The following GNAI3 variants were observed in gnomAD, a reference collection of about 807,000 sequenced individuals.
GNAI3 encodes the protein G protein subunit alpha i3, also known as guanine nucleotide-binding protein G(i) subunit alpha-3.
Under a neutral mutation model 41.8 loss-of-function variants are expected in GNAI3, and 12 were observed. That is an observed-to-expected ratio of 0.29 (90% CI 0.18 to 0.47). The LOEUF is 0.47. GNAI3 is among the 20% of genes least tolerant of loss of function. The pLI is 1.00. For missense variants in GNAI3, 360 were observed against 429.6 expected (o/e 0.84, Z 1.43); for synonymous variants, 132 against 146.5 (o/e 0.90, Z 0.71).
At chr1:109,566,493 A>G (rs1258404589) in intron 1 of GNAI3, among the ~76,000 whole-genome samples, 1 of 152,102 alleles carries the variant, frequency 6.6e-6, no homozygotes, top group Non-Finnish European at 1.5e-5. Context: ...CTTTTCTTTT[A>G]TTGAACTAAG....
At chr1:109,559,769 G>C (rs1320369935) in intron 1 of GNAI3, among the ~76,000 whole-genome samples, 2 of 152,150 alleles carry the variant, frequency 1.3e-5, no homozygotes, top group African/African-American at 2.4e-5. Context: ...GCAAGTTAAA[G>C]TTATCTTTAA....
intron 4 of GNAI3, among the ~76,000 whole-genome samples, chr1:109,581,837 C>T (rs1261955187): frequency 2.0e-5 from 3 of 151,856 alleles, no homozygotes; most frequent in East Asian, 3.9e-4. Flanking sequence ...TGCAGTGAGC[C>T]GAGTTCGCAC....
At position 109,582,477 on chromosome 1, in the gene GNAI3, A is replaced by G; in HGVS notation, c.502A>G (p.Ile168Val). The G allele has an allele frequency of 1.3e-6, 2 of 1,598,572 alleles. No homozygotes were observed. Among genetic ancestry groups the G allele is most frequent in the Non-Finnish European group, 1.7e-6 (2 of 1,165,748 alleles). ...DLDRISQSNY[I>V]PTQQDVLRTR... ...GGATAGAATATCCCAGTCTAACTAC[A>G]TTCCAACTCAGCAAGATGTTCTTCG... The change falls in exon 5 of 9, where the codon ATT becomes GTT. Residue 168 changes from isoleucine (I) to valine (V), a missense_variant. Coordinates refer to ENST00000369851, the MANE Select transcript of GNAI3 (RefSeq NM_006496.4).
At chr1:109,583,115 T>G (rs954974848) in intron 5 of GNAI3, among the ~76,000 whole-genome samples, 20 of 152,232 alleles carry the variant, frequency 1.3e-4, no homozygotes, top group Non-Finnish European at 1.3e-4. Context: ...ACAATTAACT[T>G]CTTAATACAG....
intron 1 of GNAI3, among the ~76,000 whole-genome samples, chr1:109,567,891 C>A (rs972084423): frequency 6.6e-6 from 1 of 151,686 alleles, no homozygotes. Flanking sequence ...AATAGAAATT[C>A]ACATAGTATA....
rs542676766 is a variant in GNAI3, at chr1:109,552,848, G to A, written c.118+4010G>A. Among the ~76,000 whole-genome samples the A allele has an allele frequency of 2.6e-5, 4 of 152,128 alleles. No homozygotes were observed. In the South Asian group the frequency reaches 8.3e-4, roughly 32 times the overall value. The stretch of plus-strand genomic sequence containing the variant: ...ATGTGACAAAGGTTGGGAAGCACTG[G>A]TATAATGGATAAGAGCACTGCTTTT... On this transcript the variant is annotated intron_variant, in intron 1 of 8. Transcript: ENST00000369851.
At chr1:109,566,155 G>T (rs1648447895) in intron 1 of GNAI3, among the ~76,000 whole-genome samples, 1 of 152,206 alleles carries the variant, frequency 6.6e-6, no homozygotes, top group Non-Finnish European at 1.5e-5. Flanking sequence ...TAACTGTTCA[G>T]AAAGAATGAG....
chr1:109,552,086 C>T lies in GNAI3; in HGVS notation c.118+3248C>T, dbSNP rs142577788. 7.8e-3 allele frequency among the ~76,000 whole-genome samples: 1,177 copies of T among 151,718 alleles called. 17 individuals are homozygous for T. Among genetic ancestry groups the T allele is most frequent in the East Asian group, 0.033 (171 of 5,152 alleles). Reference sequence around the variant, plus strand: ...CTGAGGCAGGAGAATCGCTTGAACCCGGGAGGTGGAGGTTGCAGTGAGCAG... The same window carrying T: ...CTGAGGCAGGAGAATCGCTTGAACCTGGGAGGTGGAGGTTGCAGTGAGCAG... On this transcript the variant is annotated intron_variant, in intron 1 of 8. Coordinates refer to ENST00000369851, the MANE Select transcript of GNAI3 (RefSeq NM_006496.4).
Position 109,599,075 on chromosome 1 carries a change from GTA to G in GNAI3, c.*6754_*6755del. On this transcript the variant is annotated 3_prime_UTR_variant, in exon 9 of 9. Coordinates refer to ENST00000369851, the MANE Select transcript of GNAI3 (RefSeq NM_006496.4). ...ATACTCTGTTTTGGACTATTTGGAG[GTA>G]CATGTGAGTGGATTTTATTACCAGA... 2.8e-6 allele frequency: 1 copy of G among 361,098 alleles called. No individual in the cohort carries two copies. Among genetic ancestry groups the G allele is most frequent in the Non-Finnish European group, 6.4e-6 (1 of 155,510 alleles). The allele number at this position is 361,098 out of a possible 1,614,324, so 22.4% of individuals were successfully genotyped here.
At chr1:109,563,090 A>G (rs950373699) in intron 1 of GNAI3, among the ~76,000 whole-genome samples, 2 of 152,318 alleles carry the variant, frequency 1.3e-5, no homozygotes, top group African/African-American at 4.8e-5. Context: ...AAGGAAACTT[A>G]CCAAAGTCCA....
Position 109,582,455 on chromosome 1 carries a change from T to G in GNAI3, c.480T>G (p.Asp160Glu), listed in dbSNP as rs747792423. The part of the protein sequence containing the change: ...DSASYYLNDL[D>E]RISQSNYIPT... Reference sequence around the variant, plus strand: ...TATTTAGTTATCTAAATGATCTGGATAGAATATCCCAGTCTAACTACATTC... The same window carrying G: ...TATTTAGTTATCTAAATGATCTGGAGAGAATATCCCAGTCTAACTACATTC... The change falls in exon 5 of 9, where the codon GAT (aspartate) becomes GAG (glutamate). Residue 160 changes from aspartate (D) to glutamate (E), a missense_variant. Asp to Glu is a conservative substitution (Grantham distance 45). Coordinates refer to ENST00000369851, the MANE Select transcript of GNAI3 (RefSeq NM_006496.4). 3 of 1,606,622 alleles carry G rather than the reference T, an allele frequency of 1.9e-6. No homozygotes were observed. The highest frequency in any genetic ancestry group is 1.7e-6 in the Non-Finnish European group (2 of 1,173,202).
intron 7 of GNAI3, among the ~76,000 whole-genome samples, chr1:109,587,878 A>G (rs1649072935): frequency 1.3e-5 from 2 of 152,242 alleles, no homozygotes; most frequent in Admixed American, 1.3e-4. Flanking sequence ...GGGATATATC[A>G]TAGAACCCAA....
chr1:109,570,692 T>C (rs1648572098), intron 1 of GNAI3, among the ~76,000 whole-genome samples: 2 of 152,128 alleles, frequency 1.3e-5, no homozygotes, highest in Non-Finnish European at 2.9e-5. Flanking sequence ...CGGTTTGGTA[T>C]GTTGGAGGAA....
chr1:109,583,650 G>T (rs1024597598), intron 5 of GNAI3, among the ~76,000 whole-genome samples: 1 of 151,838 alleles, frequency 6.6e-6, no homozygotes, highest in African/African-American at 2.4e-5. Flanking sequence ...GTGCGATCTC[G>T]GCTCGTTGCA....
chr1:109,575,219 T>C (rs1360500869), intron 3 of GNAI3, among the ~76,000 whole-genome samples: 1 of 152,172 alleles, frequency 6.6e-6, no homozygotes, highest in African/African-American at 2.4e-5. Flanking sequence ...TCTTACCCTT[T>C]CCTATTCCTT....
intron 7 of GNAI3, among the ~76,000 whole-genome samples, chr1:109,588,712 G>T (rs1649094891): frequency 6.6e-6 from 1 of 152,108 alleles, no homozygotes; most frequent in African/African-American, 2.4e-5. Context: ...GACCAATGTG[G>T]TGAAACCCTG....
chr1:109,559,529 GTAAC>G (rs766091405), intron 1 of GNAI3, among the ~76,000 whole-genome samples: 5 of 152,130 alleles, frequency 3.3e-5, no homozygotes, highest in Non-Finnish European at 7.3e-5. Context: ...AGTTATAAAG[GTAAC>G]TATTTTTGTG....
intron 3 of GNAI3, among the ~76,000 whole-genome samples, chr1:109,578,965 T>TGG (rs1170687133): frequency 1.3e-5 from 2 of 152,106 alleles, no homozygotes; most frequent in African/African-American, 4.8e-5. Context: ...TGGTGGTGTG[T>TGG]GGAGGAGTGG....
At chr1:109,548,903 CGGGG>C in intron 1 of GNAI3, 65 bp downstream of exon 1, 2 of 1,032,852 alleles carry the variant, frequency 1.9e-6, no homozygotes, top group Non-Finnish European at 2.9e-6. Context: ...AAGGCCTGAA[CGGGG>C]TCTGGTCGGG....
Sources: allele counts gnomAD v4.1 joint callset (sites outside exome capture counted in the v4.1 genomes callset), GRCh38; gene constraint gnomAD v4.1.1; transcripts MANE v1.5; gene names NCBI Gene and HGNC (gene_info 2026-07-23, HGNC 2026-07-21).